The following DDX10 variants were observed in gnomAD, a reference collection of about 807,000 sequenced individuals.
DDX10 encodes the protein probable ATP-dependent RNA helicase DDX10.
Under a neutral mutation model 104.3 loss-of-function variants are expected in DDX10, and 74 were observed. The observed-to-expected ratio is 0.71, with a 90% CI of 0.59 to 0.86. DDX10 has a LOEUF of 0.86. Among genes scored for constraint, DDX10 ranks in the 40% least tolerant of loss-of-function variants. The probability of loss-of-function intolerance (pLI) is 0.00; values close to 1 mark genes in which losing one functional copy is unlikely to be tolerated. For missense variants in DDX10, 952 were observed against 1,040.0 expected (o/e 0.92, Z 1.16); for synonymous variants, 351 against 353.4 (o/e 0.99, Z 0.08).
At chr11:108,785,458 A>G (rs1861778225) in intron 13 of DDX10, among the ~76,000 whole-genome samples, 1 of 152,142 alleles carries the variant, frequency 6.6e-6, no homozygotes, top group African/African-American at 2.4e-5. Context: ...TGCTGGGTTC[A>G]TAGAATGAGT....
intron 10 of DDX10, among the ~76,000 whole-genome samples, chr11:108,710,423 G>T (rs998102112): frequency 6.6e-6 from 1 of 151,432 alleles, no homozygotes. Flanking sequence ...GCTTTTTTTG[G>T]TTAAAAATAT....
At chr11:108,832,773 T>G (rs975528762) in intron 13 of DDX10, among the ~76,000 whole-genome samples, 4 of 152,240 alleles carry the variant, frequency 2.6e-5, no homozygotes, top group African/African-American at 7.2e-5. Flanking sequence ...ACATACTCTT[T>G]GAGCACTTTC....
intron 13 of DDX10, among the ~76,000 whole-genome samples, chr11:108,751,501 G>T (rs2094338658): frequency 6.6e-6 from 1 of 151,844 alleles, no homozygotes; most frequent in Non-Finnish European, 1.5e-5. Context: ...CAAGTGGGAG[G>T]GGTCCATAAA....
intron 9 of DDX10, among the ~76,000 whole-genome samples, chr11:108,701,177 G>C (rs768758294): frequency 7.9e-5 from 12 of 151,886 alleles, no homozygotes; most frequent in Non-Finnish European, 1.3e-4. Context: ...CATTCCATAA[G>C]TCAGAGATAC....
intron 13 of DDX10, among the ~76,000 whole-genome samples, chr11:108,814,651 C>CA (rs199863632): frequency 3.7e-4 from 56 of 150,532 alleles, no homozygotes; most frequent in African/African-American, 5.6e-4. Flanking sequence ...CTTAGAGTAA[C>CA]AAAAAAAAAC....
At chr11:108,763,217 CTG>C (rs1354342595) in intron 13 of DDX10, among the ~76,000 whole-genome samples, 1 of 152,166 alleles carries the variant, frequency 6.6e-6, no homozygotes, top group Admixed American at 6.5e-5. Flanking sequence ...CCAGATCACA[CTG>C]TGCGCTGTAG....
At chr11:108,722,636 T>G (rs568904077) in intron 12 of DDX10, among the ~76,000 whole-genome samples, 54 of 152,250 alleles carry the variant, frequency 3.5e-4, no homozygotes, top group Admixed American at 1.8e-3. Flanking sequence ...CAACTGTGAG[T>G]TAGGCCTGGC....
intron 13 of DDX10, among the ~76,000 whole-genome samples, chr11:108,737,933 G>GTC (rs1355170004): frequency 3.3e-5 from 5 of 151,980 alleles, no homozygotes; most frequent in African/African-American, 1.2e-4. Flanking sequence ...ACTGATTTTT[G>GTC]TCATGGGAAG....
Position 108,807,624 on chromosome 11 carries a change from T to A in DDX10, c.1966-30822T>A, listed in dbSNP as rs1862118997. Among the ~76,000 whole-genome samples the A allele has an allele frequency of 2.0e-5, 3 of 152,146 alleles. No individual in the cohort carries two copies. The South Asian group carries it at 6.2e-4, about 32-fold the overall frequency. ...TGAACAGAAAAATCATATCAGGATA[T>A]TTGTGGAGAAGATAGTGTGTTCCAT... On this transcript the variant is annotated intron_variant, in intron 13 of 17. Coordinates refer to ENST00000322536, the MANE Select transcript of DDX10 (RefSeq NM_004398.4).
intron 13 of DDX10, among the ~76,000 whole-genome samples, chr11:108,796,267 T>C (rs1861940289): frequency 6.6e-6 from 1 of 152,212 alleles, no homozygotes; most frequent in African/African-American, 2.4e-5. Flanking sequence ...ATAGAGCCAA[T>C]TGTGGGTTCA....
chr11:108,672,410 C>G (rs1051672843), intron 1 of DDX10, among the ~76,000 whole-genome samples: 1 of 152,188 alleles, frequency 6.6e-6, no homozygotes, highest in African/African-American at 2.4e-5. Context: ...AGGTTCCTTG[C>G]TGGGACAGTA....
At chr11:108,763,267 C>G (rs2094352853) in intron 13 of DDX10, among the ~76,000 whole-genome samples, 1 of 152,170 alleles carries the variant, frequency 6.6e-6, no homozygotes, top group Non-Finnish European at 1.5e-5. Flanking sequence ...TCTAATGGAG[C>G]AGGATGCCAT....
intron 16 of DDX10, among the ~76,000 whole-genome samples, chr11:108,911,556 C>CTTTTTTTTTTTT (rs869132450): frequency 1.6e-5 from 1 of 63,690 alleles, no homozygotes; most frequent in African/African-American, 6.7e-5. Context: ...GCCTCCTCTT[C>CTTTTTTTTTTTT]TTTTTTTTTT....
chr11:108,924,494 T>A (rs1863882239), intron 17 of DDX10, among the ~76,000 whole-genome samples: 1 of 152,220 alleles, frequency 6.6e-6, no homozygotes, highest in South Asian at 2.1e-4. Context: ...TTTTTACACA[T>A]CTCTGAATCA....
chr11:108,667,494 T>A (rs1565239723), intron 1 of DDX10, among the ~76,000 whole-genome samples: 2 of 152,236 alleles, frequency 1.3e-5, no homozygotes, highest in African/African-American at 4.8e-5. Flanking sequence ...CTGACCTGGT[T>A]TAAATCTCAC....
intron 13 of DDX10, among the ~76,000 whole-genome samples, chr11:108,751,020 G>A (rs562539752): frequency 7.1e-5 from 9 of 126,650 alleles, no homozygotes; most frequent in Non-Finnish European, 1.4e-4. Flanking sequence ...GGCTTCAAGC[G>A]ACCCTCCTGC....
chr11:108,742,133 G>A (rs1442293661), intron 13 of DDX10, among the ~76,000 whole-genome samples: 1 of 151,924 alleles, frequency 6.6e-6, no homozygotes, highest in Non-Finnish European at 1.5e-5. Context: ...GGTGGTGTGT[G>A]CCTATAATCT....
intron 5 of DDX10, 60 bp downstream of exon 5, chr11:108,678,495 TTA>T (rs2094229469): frequency 1.5e-6 from 2 of 1,377,414 alleles, no homozygotes; most frequent in Admixed American, 2.6e-5. Context: ...GAGAGAGCCC[TTA>T]TACATTTTTA....
intron 13 of DDX10, among the ~76,000 whole-genome samples, chr11:108,771,523 C>T (rs1591814021): frequency 6.6e-6 from 1 of 151,686 alleles, no homozygotes; most frequent in African/African-American, 2.4e-5. Flanking sequence ...TTTTTTGTAT[C>T]TTTAATAGAG....
Sources: gnomAD v4.1 joint callset for allele counts (sites outside exome capture counted in the v4.1 genomes callset) on GRCh38, gnomAD v4.1.1 for gene constraint, MANE v1.5 for transcripts, NCBI Gene and HGNC (gene_info 2026-07-23, HGNC 2026-07-21) for gene names.